Variants in DEUP1 observed in about 807,000 individuals in gnomAD.
DEUP1 encodes deuterosome assembly protein 1.
In DEUP1, 82 loss-of-function variants were observed where a neutral mutation model predicts 87.4. The observed-to-expected ratio is 0.94, with a 90% CI of 0.78 to 1.13. The LOEUF (loss-of-function observed/expected upper bound fraction) is 1.13, where lower values mean the gene tolerates loss of function less well. DEUP1 is among the 50% of genes most tolerant of loss of function. The pLI is 0.00. For synonymous variants in DEUP1, 214 were observed against 222.7 expected (o/e 0.96, Z 0.35); for missense variants, 663 against 681.5 (o/e 0.97, Z 0.30).
rs546516075 is a variant in DEUP1 at position 93,385,314 on chromosome 11, T to C, written c.790-84T>C. 8.6e-6 allele frequency: 11 copies of C among 1,283,382 alleles called. No homozygotes were observed. The Admixed American group carries it at 2.1e-4, about 25-fold the overall frequency. 79.5% of individuals were successfully genotyped at this position (1,283,382 alleles called of 1,614,324 possible). ...ATCAGTTTGTTTAAAATTAGGCTGG[T>C]TTATAGATGTTAAATATTTTTAAAT... On this transcript the variant is annotated intron_variant, in intron 7 of 13. Coordinates refer to ENST00000298050, the MANE Select transcript of DEUP1 (RefSeq NM_181645.4).
intron 13 of DEUP1, among the ~76,000 whole-genome samples, chr11:93,416,371 A>C (rs1591256132): frequency 6.6e-6 from 1 of 152,344 alleles, no homozygotes; most frequent in Admixed American, 6.5e-5. Flanking sequence ...TCCCACAGAA[A>C]TACAAACTAC....
chr11:93,388,984 C>T, intron 8 of DEUP1, 36 bp from the exon 9 acceptor site: 1 of 1,142,636 alleles, frequency 8.8e-7, no homozygotes. Context: ...TCAAGTTAAG[C>T]TTAATTTTAA....
intron 11 of DEUP1, among the ~76,000 whole-genome samples, chr11:93,404,047 G>C (rs895497986): frequency 6.6e-6 from 1 of 151,914 alleles, no homozygotes; most frequent in African/African-American, 2.4e-5. Flanking sequence ...GAATCTTTCT[G>C]CTTGACTACC....
At chr11:93,427,664 A>T (rs1947966919) in intron 13 of DEUP1, among the ~76,000 whole-genome samples, 1 of 151,374 alleles carries the variant, frequency 6.6e-6, no homozygotes, top group Non-Finnish European at 1.5e-5. Flanking sequence ...ACAGCAAAAG[A>T]AACTACCATC....
chr11:93,437,619 A>T lies in DEUP1; in HGVS notation c.1715A>T (p.Glu572Val). 6.2e-7 allele frequency: 1 copy of T among 1,612,516 alleles called. No homozygotes were observed. Among genetic ancestry groups the T allele is most frequent in the Non-Finnish European group, 8.5e-7 (1 of 1,178,540 alleles). ...CTGGAAGAAGAGAAACGAGCAAAAG[A>T]ACTTGAAAAACTTCTAAATACACAT... ...FLLEEEKRAK[E>V]LEKLLNTHID... Residue 572 changes from glutamate to valine, a missense_variant, in exon 14 of 14, where the codon GAA becomes GTA. Coordinates refer to ENST00000298050, the MANE Select transcript of DEUP1 (RefSeq NM_181645.4).
intron 10 of DEUP1, among the ~76,000 whole-genome samples, chr11:93,395,094 G>A (rs1196060489): frequency 6.6e-6 from 1 of 152,080 alleles, no homozygotes; most frequent in African/African-American, 2.4e-5. Flanking sequence ...AATGGATGTT[G>A]AAACATGAAA....
chr11:93,372,499 C>A (rs983531035), intron 7 of DEUP1, among the ~76,000 whole-genome samples: 2 of 152,132 alleles, frequency 1.3e-5, no homozygotes, highest in Non-Finnish European at 2.9e-5. Context: ...TAGTCCTCAG[C>A]CAACTCCTCA....
chr11:93,415,088 G>A lies in DEUP1; in HGVS notation c.1612G>A (p.Val538Ile), dbSNP rs1029776886. ...AGCCAAAGAAATGACAAGTCCTTTGGTTAGTGATGATGATGTATTCCCACT... is the reference window on the plus strand; with the variant it reads ...AGCCAAAGAAATGACAAGTCCTTTGATTAGTGATGATGATGTATTCCCACT... ...FQAKEMTSPL[V>I]SDDDVFPLSP... The change falls in exon 13 of 14, where the codon GTT (valine) becomes ATT (isoleucine). Residue 538 changes from valine (V) to isoleucine (I), a missense_variant. Val to Ile is a conservative substitution (Grantham distance 29). Coordinates refer to ENST00000298050, the MANE Select transcript of DEUP1 (RefSeq NM_181645.4). 7 of 1,610,560 alleles carry A rather than the reference G, an allele frequency of 4.3e-6. No individual in the cohort carries two copies. Among genetic ancestry groups the A allele is most frequent in the Non-Finnish European group, 5.9e-6 (7 of 1,178,520 alleles).
chr11:93,338,468 G>T (rs553554370), intron 2 of DEUP1, among the ~76,000 whole-genome samples: 1 of 150,432 alleles, frequency 6.6e-6, no homozygotes, highest in Non-Finnish European at 1.5e-5. Context: ...GTACAGTGGT[G>T]TGATCTTGGC....
At chr11:93,349,878 C>A (rs1944543498) in intron 2 of DEUP1, among the ~76,000 whole-genome samples, 1 of 152,020 alleles carries the variant, frequency 6.6e-6, no homozygotes, top group Admixed American at 6.6e-5. Context: ...TTGCATTTAG[C>A]AGAGACTCAA....
At chr11:93,393,506 T>G (rs1188792800) in intron 9 of DEUP1, among the ~76,000 whole-genome samples, 2 of 152,002 alleles carry the variant, frequency 1.3e-5, no homozygotes, top group African/African-American at 2.4e-5. Context: ...CTAATTGGCA[T>G]TCATTCATCC....
At chr11:93,387,232 T>A (rs1050494511) in intron 8 of DEUP1, among the ~76,000 whole-genome samples, 2 of 152,114 alleles carry the variant, frequency 1.3e-5, no homozygotes, top group African/African-American at 2.4e-5. Context: ...AGAGTCTAAT[T>A]TTTTTAGTTT....
At chr11:93,360,609 A>C (rs377124907) in intron 4 of DEUP1, among the ~76,000 whole-genome samples, 2 of 152,168 alleles carry the variant, frequency 1.3e-5, no homozygotes, top group Non-Finnish European at 2.9e-5. Flanking sequence ...TAAAGAACCA[A>C]TTAGAAATTT....
At chr11:93,365,087 T>C (rs971133674) in intron 5 of DEUP1, among the ~76,000 whole-genome samples, 6 of 152,062 alleles carry the variant, frequency 3.9e-5, no homozygotes, top group African/African-American at 1.2e-4. Context: ...CCTTATGTTA[T>C]CCCACTTAAT....
intron 13 of DEUP1, among the ~76,000 whole-genome samples, chr11:93,428,031 G>A (rs920341852): frequency 6.6e-6 from 1 of 151,952 alleles, no homozygotes; most frequent in Non-Finnish European, 1.5e-5. Flanking sequence ...TGGTGGGACT[G>A]TAAACTAGTT....
intron 2 of DEUP1, among the ~76,000 whole-genome samples, chr11:93,351,192 A>T (rs1454145447): frequency 6.6e-6 from 1 of 152,002 alleles, no homozygotes; most frequent in East Asian, 1.9e-4. Flanking sequence ...TGAGAGTCTA[A>T]CATTCTAACT....
chr11:93,370,184 C>A lies in DEUP1; in HGVS notation c.544C>A (p.Gln182Lys), dbSNP rs778258481. 10 of 1,478,476 alleles carry A rather than the reference C, an allele frequency of 6.8e-6. No homozygotes were observed. The highest frequency in any genetic ancestry group is 4.6e-5 in the East Asian group (2 of 43,834). The allele number at this position is 1,478,476 out of a possible 1,614,324, so 91.6% of individuals were successfully genotyped here. ...ATTATCTGAGAAGTGTAATCAGTTT[C>A]AGGTAAGTTATCTAATACTATTCTC... is the stretch of plus-strand genomic sequence containing the variant. Reference protein sequence around the residue: ...KLLSEKCNQFQKQAQSYQTQL... With the variant: ...KLLSEKCNQFKKQAQSYQTQL... Residue 182 changes from glutamine (Q) to lysine (K), a missense_variant and splice_region_variant, in exon 6 of 14, where the codon CAG (glutamine) becomes AAG (lysine). By Grantham distance (53) the Gln-to-Lys change is moderately conservative (BLOSUM62 1). Coordinates refer to ENST00000298050, the MANE Select transcript of DEUP1 (RefSeq NM_181645.4).
In DEUP1 at chr11:93,371,044, G is replaced by A; in HGVS notation, c.553G>A (p.Ala185Thr). 1 of 1,608,872 alleles carries A rather than the reference G, an allele frequency of 6.2e-7. No individual in the cohort carries two copies. Among genetic ancestry groups the A allele is most frequent in the Non-Finnish European group, 8.5e-7 (1 of 1,177,318 alleles). ...SEKCNQFQKQ[A>T]QSYQTQLNGK... ...CAGTTTTTATATTTTTCAGAAACAG[G>A]CACAAAGTTACCAAACTCAACTAAA... The change falls in exon 7 of 14, where the codon GCA becomes ACA. Residue 185 changes from alanine to threonine, a missense_variant. By Grantham distance (58) the Ala-to-Thr change is moderately conservative. Coordinates refer to ENST00000298050, the MANE Select transcript of DEUP1 (RefSeq NM_181645.4).
intron 13 of DEUP1, among the ~76,000 whole-genome samples, chr11:93,434,566 G>T (rs997069004): frequency 2.0e-5 from 3 of 152,158 alleles, no homozygotes; most frequent in African/African-American, 7.2e-5. Context: ...CACTCTGTGT[G>T]TCTGATCTGT....
Sources: allele counts gnomAD v4.1 joint callset (sites outside exome capture counted in the v4.1 genomes callset), GRCh38; gene constraint gnomAD v4.1.1; transcripts MANE v1.5; gene names NCBI Gene and HGNC (gene_info 2026-07-23, HGNC 2026-07-21).